FLNA: variants seen among roughly 807,000 people sequenced by gnomAD.
FLNA encodes filamin A.
FLNA carries 7 observed loss-of-function variants against 157.6 expected under a neutral mutation model. The observed-to-expected ratio is 0.04, with a 90% CI of 0.03 to 0.08. FLNA has a LOEUF of 0.08. Ranked by LOEUF, FLNA falls within the 10% of genes least tolerant of loss-of-function variation. FLNA has a pLI of 1.00. For synonymous variants in FLNA, 1,103 were observed against 1,060.8 expected (o/e 1.04, Z -0.77); for missense variants, 1,750 against 2,398.4 (o/e 0.73, Z 5.65).
At chrX:154,361,087 A>AG (rs1557177940) in intron 21 of FLNA, among the ~76,000 whole-genome samples, 9 of 102,339 alleles carry the variant, frequency 8.8e-5, no homozygotes, top group Non-Finnish European at 1.2e-4. Flanking sequence ...AAAGAAAGAA[A>AG]AAAAAAAAAA....
chrX:154,350,241 G>T (rs782393028), intron 44 of FLNA, 34 bp from the exon 45 acceptor site: 63 of 1,172,516 alleles, frequency 5.4e-5, no homozygotes, highest in Non-Finnish European at 7.2e-5. Flanking sequence ...TGGGCCTGGG[G>T]CCCCTCCTCA....
Position 154,365,597 on chromosome X carries a change from A to AG in FLNA, c.1430-112dup. The AG allele has an allele frequency of 3.2e-6, 3 of 936,438 alleles. No homozygotes were observed. In the South Asian group the frequency reaches 6.4e-5, roughly 20 times the overall value. 77.2% of individuals were successfully genotyped at this position (936,438 alleles called of 1,213,427 possible). A position where few individuals can be genotyped will look rare whatever the true frequency, so the allele number is the denominator to read the frequency against. On this transcript the variant is annotated intron_variant, in intron 9 of 47. Coordinates refer to ENST00000369850, the MANE Select transcript of FLNA (RefSeq NM_001110556.2). ...GGTGGGTCCCTCAGAGCTTGGCTGG[A>AG]GGGGGACATGCAAGACAGAACTGGA...
chrX:154,364,212 C>G, intron 14 of FLNA, 47 bp from the exon 15 acceptor site: 13 of 1,209,646 alleles, frequency 1.1e-5, no homozygotes, highest in Non-Finnish European at 1.5e-5. Flanking sequence ...GTGCCCAGGC[C>G]TGGGTGCCCA....
rs781947830 is a variant in FLNA at position 154,365,193 on chromosome X, A to G, written c.1634T>C (p.Met545Thr). 2.5e-6 allele frequency: 3 copies of G among 1,211,352 alleles called. No individual in the cohort carries two copies. The highest frequency in any genetic ancestry group is 2.2e-5 in the Admixed American group (1 of 46,114). ...GGTGACGATATAGGTTCCAGGGACC[A>G]TGGGGTAATACTCGAAGCCATACAC... Reference protein sequence around the residue: ...DGVYGFEYYPMVPGTYIVTIT... With the variant: ...DGVYGFEYYPTVPGTYIVTIT... The change falls in exon 11 of 48, where the codon ATG becomes ACG. Residue 545 changes from methionine to threonine, a missense_variant. Physicochemically the swap from Met to Thr is moderately conservative, Grantham distance 81. Transcript: ENST00000369850.
Position 154,352,863 on chromosome X carries a change from G to A in FLNA, c.6288C>T (p.Asp2096=), listed in dbSNP as rs782376124. 1.9e-5 allele frequency: 23 copies of A among 1,210,375 alleles called. No homozygotes were observed. Among genetic ancestry groups the A allele is most frequent in the Non-Finnish European group, 2.6e-5 (23 of 895,072 alleles). ...GPSKVDINTE[D]LEDGTCRVTY... is the part of the protein sequence containing the mutation. ...TGACCCTGCACGTCCCGTCCTCCAGGTCCTCTGTGTTGATGTCCACCTTGC... is the reference window on the plus strand; with the variant it reads ...TGACCCTGCACGTCCCGTCCTCCAGATCCTCTGTGTTGATGTCCACCTTGC... The change falls in exon 39 of 48, where the codon GAC becomes GAT. Residue 2096 remains aspartate (D), a synonymous_variant. Coordinates refer to ENST00000369850, the MANE Select transcript of FLNA (RefSeq NM_001110556.2).
chrX:154,371,456 C>T, intron 1 of FLNA, 95 bp from the exon 2 acceptor site: 4 of 418,862 alleles, frequency 9.5e-6, no homozygotes, highest in Non-Finnish European at 1.2e-5. Context: ...GCTTCGAGGG[C>T]GCGCCTGCCC....
chrX:154,368,808 G>C (rs1439709450), intron 2 of FLNA, among the ~76,000 whole-genome samples: 1 of 113,170 alleles, frequency 8.8e-6, no homozygotes, highest in African/African-American at 3.2e-5. Flanking sequence ...TGACTCACTG[G>C]GGCCCATCGG....
At position 154,359,027 on chromosome X, in the gene FLNA, C is replaced by T; in HGVS notation, c.4431G>A (p.Lys1477=). 1 of 1,211,490 alleles carries T rather than the reference C, an allele frequency of 8.3e-7. No homozygotes were observed. Among genetic ancestry groups the T allele is most frequent in the South Asian group, 1.8e-5 (1 of 57,054 alleles). Residue 1477 remains lysine (K), a synonymous_variant, in exon 26 of 48, where the codon AAG becomes AAA. Transcript: ENST00000369850. The part of the protein sequence containing the change: ...LPQSFQVDTS[K]AGVAPLQVKV... ...TGACCTGCAATGGGGCCACACCAGC[C>T]TTGCTTGTGTCCACCTGGAAGGACT...
At chrX:154,364,476 C>T (rs2067739871) in intron 13 of FLNA, 50 bp downstream of exon 13, 1 of 1,193,762 alleles carries the variant, frequency 8.4e-7, no homozygotes, top group African/African-American at 1.8e-5. Context: ...CACCAGACCC[C>T]AAGCAGGAGC....
At chrX:154,371,429 A>T in intron 1 of FLNA, 68 bp from the exon 2 acceptor site, 79 of 326,889 alleles carry the variant, frequency 2.4e-4, no homozygotes, top group Non-Finnish European at 2.5e-4. Context: ...TCCTGCGGGG[A>T]GGGGCCGTGG....
intron 13 of FLNA, 45 bp from the exon 14 acceptor site, chrX:154,364,417 C>T: frequency 8.4e-7 from 1 of 1,192,433 alleles, no homozygotes; most frequent in Non-Finnish European, 1.1e-6. Flanking sequence ...GTCCAGGCTG[C>T]CAGAGCTACA....
chrX:154,355,665 G>A (rs1163563540), intron 30 of FLNA, among the ~76,000 whole-genome samples: 2 of 113,253 alleles, frequency 1.8e-5, no homozygotes, highest in Non-Finnish European at 1.9e-5. Context: ...GTTAGCACCC[G>A]AGTAGCGCAG....
chrX:154,349,511 T>A lies in FLNA; in HGVS notation c.7607A>T (p.Asp2536Val). 5.0e-6 allele frequency: 6 copies of A among 1,211,338 alleles called. No individual in the cohort carries two copies. The highest frequency in any genetic ancestry group is 6.7e-6 in the Non-Finnish European group (6 of 895,218). ...SLHETSSVFV[D>V]SLTKATCAPQ... ...GGCACAGGTGGCCTTGGTCAGAGAG[T>A]CTACAAACACTGATGATGTCTCGTG... The change falls in exon 47 of 48, where the codon GAC (aspartate) becomes GTC (valine). Residue 2536 changes from aspartate to valine, a missense_variant. Transcript: ENST00000369850.
At chrX:154,365,953 C>CA (rs2067755537) in intron 9 of FLNA, 71 bp downstream of exon 9, 1 of 1,056,789 alleles carries the variant, frequency 9.5e-7, no homozygotes, top group Non-Finnish European at 1.3e-6. Context: ...GGGACTGGCC[C>CA]AGGGGGTCCC....
In FLNA at chrX:154,350,891, G is replaced by C. The variant is rs1557175587; in HGVS notation, c.7156+18C>G. On this transcript the variant is annotated intron_variant, in intron 44 of 47. Coordinates refer to ENST00000369850, the MANE Select transcript of FLNA (RefSeq NM_001110556.2). Reference sequence around the variant, plus strand: ...CCAGCCAGCAGGGCAGGGCGGCCGGGCAGGGACAGGGCCTCACCTTGGTCA... The same window carrying C: ...CCAGCCAGCAGGGCAGGGCGGCCGGCCAGGGACAGGGCCTCACCTTGGTCA... The C allele has an allele frequency of 2.5e-6, 3 of 1,209,007 alleles. No individual in the cohort carries two copies. The highest frequency in any genetic ancestry group is 3.4e-6 in the Non-Finnish European group (3 of 892,992).
rs1273882054 is a variant in FLNA at position 154,360,114 on chromosome X, C to T, written c.3681G>A (p.Gly1227=). Residue 1227 remains glycine, a synonymous_variant, in exon 22 of 48, where the codon GGG becomes GGA. Coordinates refer to ENST00000369850, the MANE Select transcript of FLNA (RefSeq NM_001110556.2). Reference sequence around the variant, plus strand: ...CGTACTTGATGGTGACGGTGTAGGCCCCGGGGCAGAGGGGAATGTAGGTAA... The same window carrying T: ...CGTACTTGATGGTGACGGTGTAGGCTCCGGGGCAGAGGGGAATGTAGGTAA... ...HTITYIPLCP[G]AYTVTIKYGG... 1.7e-6 allele frequency: 2 copies of T among 1,209,862 alleles called. No individual in the cohort carries two copies. The highest frequency in any genetic ancestry group is 2.2e-6 in the Non-Finnish European group (2 of 894,930).
rs782399045 is a variant in FLNA at position 154,351,966 on chromosome X, G to A, written c.6825C>T (p.Val2275=). 7 of 1,211,108 alleles carry A rather than the reference G, an allele frequency of 5.8e-6. No homozygotes were observed. The highest frequency in any genetic ancestry group is 3.5e-5 in the South Asian group (2 of 57,015). ...EAGAGGLAIA[V]EGPSKAEISF... ...AGATCTCAGCCTTGCTGGGGCCCTC[G>A]ACAGCAATGGCCAGGCCTCCAGCAC... is the stretch of plus-strand genomic sequence containing the variant. The change falls in exon 42 of 48, where the codon GTC becomes GTT. Residue 2275 remains valine, a synonymous_variant. Transcript: ENST00000369850.
chrX:154,362,479 G>A lies in FLNA; in HGVS notation c.2504C>T (p.Thr835Met), dbSNP rs782315127. Reference protein sequence around the residue: ...DIIRNDNDTFTVKYTPRGAGS... With the variant: ...DIIRNDNDTFMVKYTPRGAGS... ...AGCCCCCCGGGGCGTGTACTTGACC[G>A]TGAAGGTGTCATTGTCATTGCGGAT... The change falls in exon 17 of 48, where the codon ACG becomes ATG. Residue 835 changes from threonine (T) to methionine (M), a missense_variant. This residue lies in a region of FLNA where 648 missense variants were observed against 805.8 expected (regional missense o/e 0.80). Transcript: ENST00000369850. 9 of 1,211,687 alleles carry A rather than the reference G, an allele frequency of 7.4e-6. No homozygotes were observed. Among genetic ancestry groups the A allele is most frequent in the South Asian group, 1.8e-5 (1 of 57,055 alleles).
chrX:154,366,554 G>C lies in FLNA; in HGVS notation c.1065+8C>G, dbSNP rs782258404. On this transcript the variant is annotated splice_region_variant and intron_variant, in intron 7 of 47. Transcript: ENST00000369850. Reference sequence around the variant, plus strand: ...GGTCACAAGCCTCCCCCCTGGCCAAGGGCTCACCTTATGAGTCCCCGTCAC... The same window carrying C: ...GGTCACAAGCCTCCCCCCTGGCCAACGGCTCACCTTATGAGTCCCCGTCAC... 8.3e-7 allele frequency: 1 copy of C among 1,211,142 alleles called. No homozygotes were observed. Among genetic ancestry groups the C allele is most frequent in the African/African-American group, 1.7e-5 (1 of 58,015 alleles).
Sources: gnomAD v4.1 joint callset for allele counts (sites outside exome capture counted in the v4.1 genomes callset) on GRCh38, gnomAD v4.1.1 for gene constraint, gnomAD v4.1.1 regional missense constraint, MANE v1.5 for transcripts, NCBI Gene and HGNC (gene_info 2026-07-23, HGNC 2026-07-21) for gene names.